Variants in KLF12 observed in about 807,000 individuals in gnomAD.
KLF12 encodes the protein Krueppel-like factor 12.
A neutral mutation model predicts 37.8 loss-of-function variants in KLF12; 9 were observed. The observed-to-expected ratio is 0.24, with a 90% CI of 0.14 to 0.42. The LOEUF (loss-of-function observed/expected upper bound fraction) is 0.42. Ranked by LOEUF, KLF12 falls within the 10% of genes least tolerant of loss-of-function variation. The pLI is 1.00. For synonymous variants in KLF12, 208 were observed against 202.1 expected, an observed-to-expected ratio of 1.03 and a Z score of -0.25; for missense variants, 411 against 516.0, an observed-to-expected ratio of 0.80 and a Z score of 1.97.
chr13:74,281,165 C>G, the KLF12 span, among the ~76,000 whole-genome samples: 1 of 152,064 alleles, frequency 6.6e-6, no homozygotes, highest in Non-Finnish European at 1.5e-5. Context: ...ACTCTCTTCT[C>G]TATTTTTTTT....
chr13:74,241,647 T>A, the KLF12 span, among the ~76,000 whole-genome samples: 51 of 147,698 alleles, frequency 3.5e-4, no homozygotes, highest in African/African-American at 6.6e-4. Context: ...GGATATAATC[T>A]CGTGGTGCGC....
the KLF12 span, among the ~76,000 whole-genome samples, chr13:74,200,196 G>T: frequency 0.032 from 4,826 of 151,974 alleles, 115 homozygotes; most frequent in Middle Eastern, 0.071. Context: ...GCTCAGGGGG[G>T]GGGTTTCCTG....
chr13:74,039,059 G>A (rs1893332337), intron 1 of KLF12, among the ~76,000 whole-genome samples: 1 of 151,836 alleles, frequency 6.6e-6, no homozygotes, highest in Admixed American at 6.6e-5. Context: ...TGTAAAAGCA[G>A]ACGATTTCAT....
At chr13:74,261,296 A>G in the KLF12 span, among the ~76,000 whole-genome samples, 23 of 152,190 alleles carry the variant, frequency 1.5e-4, no homozygotes, top group African/African-American at 5.5e-4. Flanking sequence ...TAAGCGGAAT[A>G]GAAGAAAATT....
chr13:73,763,665 A>G (rs1302271647), intron 6 of KLF12, among the ~76,000 whole-genome samples: 1 of 152,194 alleles, frequency 6.6e-6, no homozygotes, highest in African/African-American at 2.4e-5. Context: ...TGGAAACTGG[A>G]TCTCATACCT....
the KLF12 span, among the ~76,000 whole-genome samples, chr13:74,268,811 G>A: frequency 1.3e-5 from 2 of 152,170 alleles, no homozygotes; most frequent in Non-Finnish European, 2.9e-5. Context: ...CATCCACCAG[G>A]CATTGTAACA....
At chr13:74,208,831 A>G in the KLF12 span, among the ~76,000 whole-genome samples, 3 of 152,228 alleles carry the variant, frequency 2.0e-5, no homozygotes, top group East Asian at 5.8e-4. Flanking sequence ...TTTAAAAAAG[A>G]AACACTTCTT....
At chr13:74,174,924 A>C in the KLF12 span, among the ~76,000 whole-genome samples, 1 of 152,234 alleles carries the variant, frequency 6.6e-6, no homozygotes, top group Non-Finnish European at 1.5e-5. Flanking sequence ...AAAAACCACG[A>C]TCAGAGGATA....
chr13:74,153,642 A>G, the KLF12 span, among the ~76,000 whole-genome samples: 2 of 152,196 alleles, frequency 1.3e-5, no homozygotes, highest in Non-Finnish European at 2.9e-5. Context: ...CAAGAACCAG[A>G]GACCTTACTC....
the KLF12 span, among the ~76,000 whole-genome samples, chr13:74,159,250 G>A: frequency 2.6e-5 from 4 of 152,144 alleles, no homozygotes; most frequent in African/African-American, 9.7e-5. Flanking sequence ...TCAGAAAAGG[G>A]TGCACCCTTC....
intron 2 of KLF12, among the ~76,000 whole-genome samples, chr13:73,986,109 G>A (rs1014253273): frequency 3.9e-5 from 6 of 152,206 alleles, no homozygotes; most frequent in Admixed American, 2.0e-4. Flanking sequence ...TATCAGATAC[G>A]CTACAAATAA....
rs534401582 is a variant in KLF12, at chr13:73,727,944, G to A, written c.870-12419C>T. On this transcript the variant is annotated intron_variant, in intron 6 of 7. Coordinates refer to ENST00000377669, the MANE Select transcript of KLF12 (RefSeq NM_007249.5). Reference sequence around the variant, plus strand: ...ACTCCTGACCTCAGGTGATCCACCCGCCTCGGCCTCCCAAAGTGCTGGGAT... The same window carrying A: ...ACTCCTGACCTCAGGTGATCCACCCACCTCGGCCTCCCAAAGTGCTGGGAT... Among the ~76,000 whole-genome samples the A allele has an allele frequency of 3.3e-5, 5 of 152,180 alleles. No individual in the cohort carries two copies. The South Asian group carries it at 8.3e-4, about 25-fold the overall frequency.
chr13:74,083,517 C>CAT (rs1875063178), intron 1 of KLF12, among the ~76,000 whole-genome samples: 1 of 151,722 alleles, frequency 6.6e-6, no homozygotes, highest in Non-Finnish European at 1.5e-5. Flanking sequence ...CACACACACA[C>CAT]ACACACACAC....
chr13:73,779,140 A>G (rs1462660766), intron 5 of KLF12, among the ~76,000 whole-genome samples: 2 of 151,954 alleles, frequency 1.3e-5, no homozygotes, highest in Non-Finnish European at 2.9e-5. Flanking sequence ...AGCTCCTAAA[A>G]CCTTTGGTAT....
At chr13:74,267,879 AAAG>A in the KLF12 span, among the ~76,000 whole-genome samples, 1 of 152,148 alleles carries the variant, frequency 6.6e-6, no homozygotes, top group Non-Finnish European at 1.5e-5. Flanking sequence ...ATTTTTTAAA[AAAG>A]AGGCAGTGGA....
At chr13:74,273,113 T>A in the KLF12 span, among the ~76,000 whole-genome samples, 1 of 152,178 alleles carries the variant, frequency 6.6e-6, no homozygotes, top group East Asian at 1.9e-4. Flanking sequence ...GTTTTTCCTT[T>A]CCTGCTCAGA....
intron 3 of KLF12, among the ~76,000 whole-genome samples, chr13:73,913,671 A>C (rs1358418780): frequency 1.3e-5 from 2 of 152,374 alleles, no homozygotes; most frequent in East Asian, 3.9e-4. Flanking sequence ...TGACCAAAGT[A>C]ACAAATTTAA....
chr13:74,094,423 C>T (rs8001594), intron 1 of KLF12, among the ~76,000 whole-genome samples: 1 of 151,814 alleles, frequency 6.6e-6, no homozygotes, highest in Admixed American at 6.6e-5. Flanking sequence ...TACATATCAT[C>T]ATTTTCTTGA....
At chr13:74,087,990 CAATATACTCTTATTCCTTGAA>C (rs1875416641) in intron 1 of KLF12, among the ~76,000 whole-genome samples, 1 of 151,928 alleles carries the variant, frequency 6.6e-6, no homozygotes, top group Non-Finnish European at 1.5e-5. Context: ...TTAGTTCTAC[CAATATACTCTTATTCCTTGAA>C]ACTTCACAGG....
Sources: gnomAD v4.1 joint callset for allele counts (sites outside exome capture counted in the v4.1 genomes callset) on GRCh38, gnomAD v4.1.1 for gene constraint, MANE v1.5 for transcripts, NCBI Gene and HGNC (gene_info 2026-07-23, HGNC 2026-07-21) for gene names.